Variants in AKT2 observed in about 807,000 individuals in gnomAD.
The protein encoded by AKT2 is RAC-beta serine/threonine-protein kinase.
A neutral mutation model predicts 58.6 loss-of-function variants in AKT2; 16 were observed. The ratio of observed to expected loss-of-function variants is 0.27; its 90% CI spans 0.18 to 0.41. The LOEUF is 0.41. AKT2 is among the 10% of genes least tolerant of loss of function. AKT2 has a pLI of 1.00. For synonymous variants in AKT2, 253 were observed against 254.0 expected, an observed-to-expected ratio of 1.00 and a Z score of 0.04; for missense variants, 438 against 661.0, an observed-to-expected ratio of 0.66 and a Z score of 3.70.
intron 1 of AKT2, among the ~76,000 whole-genome samples, chr19:40,268,278 T>A (rs1976504224): frequency 6.6e-6 from 1 of 152,212 alleles, no homozygotes; most frequent in Admixed American, 6.5e-5. Context: ...GGACATCGCC[T>A]CTCAGGGCCC....
rs1223355878 is a variant in AKT2 at position 40,232,834 on chromosome 19, A to AGGC, written c.*1035_*1037dup. On this transcript the variant is annotated 3_prime_UTR_variant, in exon 14 of 14. Transcript: ENST00000392038. ...GGACGTGCACTCATGTTCAACCTTA[A>AGGC]GGCTGCAGAACGTGGGGCCCTGGGG... 2.5e-5 allele frequency: 6 copies of AGGC among 236,608 alleles called. No individual in the cohort carries two copies. Among genetic ancestry groups the AGGC allele is most frequent in the African/African-American group, 8.8e-5 (4 of 45,488 alleles). The allele number at this position is 236,608 out of a possible 1,614,324, so 14.7% of individuals were successfully genotyped here.
At position 40,242,213 on chromosome 19, in the gene AKT2, A is replaced by G; in HGVS notation, c.442-144T>C. On this transcript the variant is annotated intron_variant, in intron 5 of 13. Coordinates refer to ENST00000392038, the MANE Select transcript of AKT2 (RefSeq NM_001626.6). This position sits in a 1 kb window ranked among gnomAD's most constrained non-coding sequence, Gnocchi z 4.3. ...GCAGGAAGGGAGGCTCTGGGCAGCA[A>G]CTGTGTGTTCTGAAGCGGCCTTCAG... 8.0e-7 allele frequency: 1 copy of G among 1,249,118 alleles called. No homozygotes were observed. Among genetic ancestry groups the G allele is most frequent in the Admixed American group, 1.9e-5 (1 of 51,582 alleles). 77.4% of individuals were successfully genotyped at this position (1,249,118 alleles called of 1,614,324 possible). A position where few individuals can be genotyped will look rare whatever the true frequency, so the allele number is the denominator to read the frequency against.
In AKT2 at chr19:40,235,156, G is replaced by A; in HGVS notation, c.1264-9C>T. ...TTGAAGGGTGGCAGGAGCTACGGAG[G>A]AGAGGAGCTCAGGCTCAGGGACCCT... On this transcript the variant is annotated splice_polypyrimidine_tract_variant and intron_variant, in intron 12 of 13. Transcript: ENST00000392038. The surrounding 1 kb of genome is among the most constrained non-coding windows in gnomAD (Gnocchi z 6.3). 6.2e-7 allele frequency: 1 copy of A among 1,613,924 alleles called. No homozygotes were observed. Among genetic ancestry groups the A allele is most frequent in the Non-Finnish European group, 8.5e-7 (1 of 1,179,872 alleles).
intron 4 of AKT2, chr19:40,243,140 C>CT: frequency 8.7e-6 from 1 of 115,492 alleles, no homozygotes; most frequent in African/African-American, 3.3e-5. Context: ...GACTCCGTCT[C>CT]AAAAAAAAAA....
intron 6 of AKT2, chr19:40,241,430 G>C (rs1974397451): frequency 4.5e-6 from 1 of 223,646 alleles, no homozygotes; most frequent in African/African-American, 2.3e-5. Flanking sequence ...GACAGGCAGA[G>C]CTAAGGAAAC....
chr19:40,265,416 A>T, intron 1 of AKT2, 65 bp from the exon 2 acceptor site: 1 of 1,520,652 alleles, frequency 6.6e-7, no homozygotes, highest in Non-Finnish European at 8.8e-7. Flanking sequence ...TTCCCTGAGG[A>T]CGCCGGGCTC....
At chr19:40,267,412 C>T (rs536374007) in intron 1 of AKT2, among the ~76,000 whole-genome samples, 1 of 152,158 alleles carries the variant, frequency 6.6e-6, no homozygotes, top group South Asian at 2.1e-4. Flanking sequence ...ATGCTTCTGT[C>T]ACTCAAGCCC....
intron 4 of AKT2, among the ~76,000 whole-genome samples, chr19:40,249,162 C>G (rs996833065): frequency 6.6e-5 from 10 of 152,162 alleles, no homozygotes; most frequent in African/African-American, 1.9e-4. Flanking sequence ...CTCAGCACCA[C>G]AGGAAGTCGC....
In AKT2 at chr19:40,238,017, C is replaced by T. The variant is rs140472835; in HGVS notation, c.783G>A (p.Ser261=). The T allele has an allele frequency of 3.7e-6, 6 of 1,612,870 alleles. No individual in the cohort carries two copies. Among genetic ancestry groups the T allele is most frequent in the Non-Finnish European group, 5.1e-6 (6 of 1,179,614 alleles). Residue 261 remains serine, a synonymous_variant, in exon 9 of 14, where the codon TCG becomes TCA. Coordinates refer to ENST00000392038, the MANE Select transcript of AKT2 (RefSeq NM_001626.6). The surrounding 1 kb of genome is among the most constrained non-coding windows in gnomAD (Gnocchi z 5.1). Reference sequence around the variant, plus strand: ...CCCGCGAGTGCAAGTACTCAAGAGCCGAGACAATCTCTGCACCATAAAACC... The same window carrying T: ...CCCGCGAGTGCAAGTACTCAAGAGCTGAGACAATCTCTGCACCATAAAACC... ...RARFYGAEIV[S]ALEYLHSRDV... is the part of the protein sequence containing the mutation.
In AKT2 at chr19:40,232,847, T is replaced by TG. The variant is rs1347153478; in HGVS notation, c.*1024dup. On this transcript the variant is annotated 3_prime_UTR_variant, in exon 14 of 14. Transcript: ENST00000392038. ...TGTTCAACCTTAAGGCTGCAGAACG[T>TG]GGGGCCCTGGGGAGAGGGAGGGGTG... 4.2e-6 allele frequency: 1 copy of TG among 236,954 alleles called. No individual in the cohort carries two copies. Among genetic ancestry groups the TG allele is most frequent in the Non-Finnish European group, 8.3e-6 (1 of 120,204 alleles). 14.7% of individuals were successfully genotyped at this position (236,954 alleles called of 1,614,324 possible). A position where few individuals can be genotyped will look rare whatever the true frequency, so the allele number is the denominator to read the frequency against.
chr19:40,270,074 C>T (rs1976604426), intron 1 of AKT2, among the ~76,000 whole-genome samples: 1 of 152,258 alleles, frequency 6.6e-6, no homozygotes. Context: ...GCACTGCACC[C>T]TCAGGTGGAA....
At position 40,235,395 on chromosome 19, in the gene AKT2, G is replaced by C. The variant is rs757521728; in HGVS notation, c.1176-45C>G. 3.1e-6 allele frequency: 5 copies of C among 1,596,174 alleles called. No homozygotes were observed. In the Admixed American group the frequency reaches 8.3e-5, roughly 27 times the overall value. On this transcript the variant is annotated intron_variant, in intron 11 of 13. Coordinates refer to ENST00000392038, the MANE Select transcript of AKT2 (RefSeq NM_001626.6). The surrounding 1 kb of genome is among the most constrained non-coding windows in gnomAD (Gnocchi z 6.3). ...AGCACCTGCCTCCCGGAGCAGCTGG[G>C]TTCGGGCAGACGGGCTTTCGGAGCA...
intron 1 of AKT2, among the ~76,000 whole-genome samples, chr19:40,272,297 T>C (rs906879048): frequency 2.0e-5 from 3 of 152,168 alleles, no homozygotes; most frequent in Non-Finnish European, 4.4e-5. Flanking sequence ...CTCCCAAGCC[T>C]CCGTTTCCTC....
intron 1 of AKT2, 99 bp from the exon 2 acceptor site, chr19:40,265,450 C>T: frequency 6.8e-7 from 1 of 1,473,448 alleles, no homozygotes; most frequent in Non-Finnish European, 9.1e-7. Flanking sequence ...CTGTTCTGCC[C>T]ACTCAGCAAA....
At position 40,231,935 on chromosome 19, in the gene AKT2, CCT is replaced by C. The variant is rs1417731993; in HGVS notation, c.*1935_*1936del. The C allele has an allele frequency of 1.3e-5, 3 of 233,296 alleles. No homozygotes were observed. The highest frequency in any genetic ancestry group is 5.6e-5 in the Admixed American group (1 of 17,780). The allele number at this position is 233,296 out of a possible 1,614,324, so 14.5% of individuals were successfully genotyped here. On this transcript the variant is annotated 3_prime_UTR_variant, in exon 14 of 14. Coordinates refer to ENST00000392038, the MANE Select transcript of AKT2 (RefSeq NM_001626.6). ...AGGTGGGGCAGGATAGGAATGCCCCCCTCTGAGGCTCGGCAGCCGGGTGGAAT... is the reference window on the plus strand; with the variant it reads ...AGGTGGGGCAGGATAGGAATGCCCCCCTGAGGCTCGGCAGCCGGGTGGAAT...
intron 2 of AKT2, among the ~76,000 whole-genome samples, chr19:40,259,919 G>A (rs1014857371): frequency 6.6e-6 from 1 of 152,122 alleles, no homozygotes; most frequent in Non-Finnish European, 1.5e-5. Context: ...TTGGGAGGTC[G>A]AGGCAGGCGG....
chr19:40,241,662 C>T, intron 6 of AKT2: 1 of 482,924 alleles, frequency 2.1e-6, no homozygotes, highest in Non-Finnish European at 3.8e-6. Flanking sequence ...CCAACAGGCC[C>T]CAGCCTCCCT....
chr19:40,251,556 A>T (rs1452602676), intron 4 of AKT2, among the ~76,000 whole-genome samples: 3 of 152,214 alleles, frequency 2.0e-5, no homozygotes, highest in African/African-American at 7.2e-5. Flanking sequence ...TGTCAAAAAA[A>T]TAAATAAATT....
Position 40,233,329 on chromosome 19 carries a change from C to T in AKT2, c.*543G>A, listed in dbSNP as rs978452467. Reference sequence around the variant, plus strand: ...CCCAGCCCTGCAGCTCCCAAGGGCCCCTGCCTGCCCCTGGACATTATTGCT... The same window carrying T: ...CCCAGCCCTGCAGCTCCCAAGGGCCTCTGCCTGCCCCTGGACATTATTGCT... On this transcript the variant is annotated 3_prime_UTR_variant, in exon 14 of 14. Transcript: ENST00000392038. The surrounding 1 kb of genome is among the most constrained non-coding windows in gnomAD (Gnocchi z 4.3). The T allele has an allele frequency of 2.3e-5, 9 of 394,336 alleles. No homozygotes were observed. Among genetic ancestry groups the T allele is most frequent in the African/African-American group, 1.6e-4 (8 of 49,774 alleles). 24.4% of individuals were successfully genotyped at this position (394,336 alleles called of 1,614,324 possible).
Sources: gnomAD v4.1 joint callset for allele counts (sites outside exome capture counted in the v4.1 genomes callset) on GRCh38, gnomAD v4.1.1 for gene constraint, Gnocchi (gnomAD v3.1) non-coding constraint, MANE v1.5 for transcripts, NCBI Gene and HGNC (gene_info 2026-07-23, HGNC 2026-07-21) for gene names.